TAB2: variants seen among roughly 807,000 people sequenced by gnomAD.
The protein encoded by TAB2 is TGF-beta activated kinase 1 (MAP3K7) binding protein 2.
In TAB2, 3 loss-of-function variants were observed where a neutral mutation model predicts 65.0. That is an observed-to-expected ratio of 0.05 (90% confidence interval 0.02 to 0.12). The LOEUF is 0.12. Among genes scored for constraint, TAB2 ranks in the 10% least tolerant of loss-of-function variants. The pLI is 1.00. For synonymous variants in TAB2, 298 were observed against 285.1 expected, an observed-to-expected ratio of 1.05 and a Z score of -0.46; for missense variants, 623 against 840.3, an observed-to-expected ratio of 0.74 and a Z score of 3.20.
intron 1 of TAB2, among the ~76,000 whole-genome samples, chr6:149,253,962 GA>G (rs1562389207): frequency 2.3e-5 from 1 of 43,038 alleles, no homozygotes; most frequent in South Asian, 8.4e-4. Flanking sequence ...GAAAGAAAAA[GA>G]AAGAAAGAAA....
chr6:149,318,465 G>A (rs1037702312), intron 1 of TAB2: 1 of 151,792 alleles, frequency 6.6e-6, no homozygotes, highest in Non-Finnish European at 1.5e-5. Context: ...TGACTCAGGG[G>A]CGGGGGTTTT....
chr6:149,378,640 T>G lies in TAB2; in HGVS notation c.725T>G (p.Met242Arg), dbSNP rs1781492686. Residue 242 changes from methionine to arginine, a missense_variant, in exon 3 of 7, where the codon ATG (methionine) becomes AGG (arginine). By Grantham distance (91) the Met-to-Arg change is moderately conservative (BLOSUM62 -1). Transcript: ENST00000637181. ...HSGWVSQFNP[M>R]NPQQVYQPSQ... The stretch of plus-strand genomic sequence containing the variant: ...GGCTGGGTATCTCAGTTTAATCCCA[T>G]GAACCCTCAGCAAGTTTATCAGCCT... 4 of 1,613,394 alleles carry G rather than the reference T, an allele frequency of 2.5e-6. No homozygotes were observed. The highest frequency in any genetic ancestry group is 3.3e-4 in the Middle Eastern group (2 of 6,062).
chr6:149,384,741 A>C (rs1234867273), intron 3 of TAB2, among the ~76,000 whole-genome samples: 1 of 152,220 alleles, frequency 6.6e-6, no homozygotes, highest in East Asian at 1.9e-4. Context: ...TAGTGTCTTC[A>C]TAGTGGTATA....
intron 1 of TAB2, among the ~76,000 whole-genome samples, chr6:149,302,117 A>T (rs1370255613): frequency 6.6e-6 from 1 of 152,138 alleles, no homozygotes; most frequent in Non-Finnish European, 1.5e-5. Context: ...GTATTCAAAA[A>T]TATGTCCAAG....
At chr6:149,237,523 C>A (rs2114639033) in intron 1 of TAB2, among the ~76,000 whole-genome samples, 1 of 152,320 alleles carries the variant, frequency 6.6e-6, no homozygotes, top group Middle Eastern at 3.4e-3. Context: ...CAAATCCAGG[C>A]CTCTTTCCAT....
chr6:149,374,627 C>G (rs147756053), intron 2 of TAB2, among the ~76,000 whole-genome samples: 3 of 152,184 alleles, frequency 2.0e-5, no homozygotes, highest in Non-Finnish European at 4.4e-5. Context: ...TCAGTTGGAT[C>G]AAGCTGACAA....
chr6:149,403,339 T>TACACAC (rs71010866), intron 6 of TAB2, among the ~76,000 whole-genome samples: 2 of 105,790 alleles, frequency 1.9e-5, no homozygotes, highest in African/African-American at 3.9e-5. Context: ...TACATATATA[T>TACACAC]ACACACACAC....
chr6:149,226,743 T>G (rs1286863953), intron 1 of TAB2, among the ~76,000 whole-genome samples: 1 of 152,220 alleles, frequency 6.6e-6, no homozygotes, highest in African/African-American at 2.4e-5. Flanking sequence ...CACTTGCATT[T>G]TCCTAATATC....
chr6:149,289,150 T>C (rs1778729668), intron 1 of TAB2, among the ~76,000 whole-genome samples: 1 of 152,064 alleles, frequency 6.6e-6, no homozygotes, highest in Non-Finnish European at 1.5e-5. Context: ...TGAGCCACCA[T>C]GCCAGGTCAA....
intron 1 of TAB2, among the ~76,000 whole-genome samples, chr6:149,250,161 A>T (rs189033269): frequency 2.7e-4 from 41 of 152,314 alleles, no homozygotes; most frequent in Middle Eastern, 6.8e-3. Flanking sequence ...ACCAGAGTAT[A>T]CAGATCTTGA....
At chr6:149,262,368 A>G (rs570695652) in intron 1 of TAB2, among the ~76,000 whole-genome samples, 1 of 152,260 alleles carries the variant, frequency 6.6e-6, no homozygotes, top group East Asian at 1.9e-4. Context: ...CCCCGTCTCT[A>G]CTAAAAATAC....
chr6:149,360,647 A>T (rs1780814320), intron 1 of TAB2, among the ~76,000 whole-genome samples: 1 of 152,176 alleles, frequency 6.6e-6, no homozygotes, highest in Admixed American at 6.5e-5. Flanking sequence ...TCAAAATCTC[A>T]TGTTCTTCTC....
At chr6:149,401,335 T>C in intron 6 of TAB2, 2 of 164,964 alleles carry the variant, frequency 1.2e-5, no homozygotes, top group East Asian at 3.8e-4. Flanking sequence ...ATTTTATATT[T>C]AAAGACACAC....
At chr6:149,370,678 T>C (rs544505893) in intron 2 of TAB2, among the ~76,000 whole-genome samples, 1 of 152,298 alleles carries the variant, frequency 6.6e-6, no homozygotes, top group African/African-American at 2.4e-5. Flanking sequence ...TTGTACATTG[T>C]TCTTAGTATA....
At chr6:149,267,766 C>A (rs1259607285) in intron 1 of TAB2, among the ~76,000 whole-genome samples, 1 of 152,124 alleles carries the variant, frequency 6.6e-6, no homozygotes, top group African/African-American at 2.4e-5. Flanking sequence ...TCCTAGGTGA[C>A]AAGCCCGTAC....
At chr6:149,260,923 T>C (rs1778141765) in intron 1 of TAB2, among the ~76,000 whole-genome samples, 1 of 152,230 alleles carries the variant, frequency 6.6e-6, no homozygotes, top group East Asian at 1.9e-4. Flanking sequence ...CAATGCATTT[T>C]TATGTTTAGG....
At chr6:149,392,642 C>T (rs564127475) in intron 3 of TAB2, among the ~76,000 whole-genome samples, 7 of 150,310 alleles carry the variant, frequency 4.7e-5, no homozygotes, top group African/African-American at 1.8e-4. Flanking sequence ...TCCACTCCTT[C>T]ATTCAGCTGT....
intron 1 of TAB2, among the ~76,000 whole-genome samples, chr6:149,310,410 GTA>G (rs1395053263): frequency 1.3e-5 from 2 of 152,052 alleles, no homozygotes; most frequent in Non-Finnish European, 2.9e-5. Flanking sequence ...TTCTATTCAA[GTA>G]TATGTTATTT....
intron 1 of TAB2, among the ~76,000 whole-genome samples, chr6:149,343,122 A>G (rs1436911036): frequency 1.3e-5 from 2 of 151,464 alleles, no homozygotes; most frequent in Non-Finnish European, 2.9e-5. Flanking sequence ...AAAAAAATTG[A>G]AAAACAAACA....
Sources: gnomAD v4.1 joint callset for allele counts (sites outside exome capture counted in the v4.1 genomes callset) on GRCh38, gnomAD v4.1.1 for gene constraint, MANE v1.5 for transcripts, NCBI Gene and HGNC (gene_info 2026-07-23, HGNC 2026-07-21) for gene names.